The following RANGAP1 variants were observed in gnomAD, a reference collection of about 807,000 sequenced individuals.
RANGAP1 encodes Ran GTPase activating protein 1, also known as ran GTPase-activating protein 1.
RANGAP1 carries 38 observed loss-of-function variants against 63.5 expected under a neutral mutation model. That is an observed-to-expected ratio of 0.60 (90% CI 0.46 to 0.78). The LOEUF is 0.78. Among genes scored for constraint, RANGAP1 ranks in the 30% least tolerant of loss-of-function variants. The pLI, the probability that RANGAP1 is intolerant of heterozygous loss-of-function variation, is 0.00. For synonymous variants in RANGAP1, 329 were observed against 310.5 expected, an observed-to-expected ratio of 1.06 and a Z score of -0.63; for missense variants, 630 against 740.3, an observed-to-expected ratio of 0.85 and a Z score of 1.73.
chr22:41,263,527 G>A (rs1483864458), intron 5 of RANGAP1, among the ~76,000 whole-genome samples: 1 of 152,162 alleles, frequency 6.6e-6, no homozygotes, highest in Non-Finnish European at 1.5e-5. Context: ...TGGGACTACA[G>A]GCACCTGCCA....
Position 41,249,189 on chromosome 22 carries a change from G to T in RANGAP1, c.1694+141C>A, listed in dbSNP as rs1037206797. On this transcript the variant is annotated intron_variant, in intron 15 of 15. Coordinates refer to ENST00000356244, the MANE Select transcript of RANGAP1 (RefSeq NM_002883.4). ...AATGCAGATGCTGAGAGCCCAGGAG[G>T]CATGAGGGCCTCTCATGCACCTGAG... 4 of 1,200,474 alleles carry T rather than the reference G, an allele frequency of 3.3e-6. No homozygotes were observed. The African/African-American group carries it at 4.6e-5, about 14-fold the overall frequency. 74.4% of individuals were successfully genotyped at this position (1,200,474 alleles called of 1,614,324 possible). A position where few individuals can be genotyped will look rare whatever the true frequency, so the allele number is the denominator to read the frequency against.
At chr22:41,284,957 G>A (rs879625970) in intron 1 of RANGAP1, 2 of 152,116 alleles carry the variant, frequency 1.3e-5, no homozygotes, top group Admixed American at 6.6e-5. Context: ...ACCAGGGTTC[G>A]AGACAAGCCT....
chr22:41,300,390 G>A, the RANGAP1 span, among the ~76,000 whole-genome samples: 1 of 125,912 alleles, frequency 7.9e-6, no homozygotes, highest in Non-Finnish European at 1.6e-5. Flanking sequence ...AGTTGTCAAG[G>A]GTGTTTCATT....
At chr22:41,270,471 A>G (rs986780644) in intron 3 of RANGAP1, among the ~76,000 whole-genome samples, 5 of 152,074 alleles carry the variant, frequency 3.3e-5, no homozygotes, top group Non-Finnish European at 5.9e-5. Context: ...ATTTTGAGAC[A>G]GGGTCTCACT....
At chr22:41,265,522 T>C (rs2034416634) in intron 4 of RANGAP1, among the ~76,000 whole-genome samples, 1 of 152,110 alleles carries the variant, frequency 6.6e-6, no homozygotes, top group Non-Finnish European at 1.5e-5. Flanking sequence ...AAGCTGTTGG[T>C]TCCCTGTTCG....
chr22:41,251,205 C>T (rs2033423358), intron 12 of RANGAP1, 96 bp from the exon 13 acceptor site: 3 of 932,862 alleles, frequency 3.2e-6, no homozygotes, highest in Admixed American at 4.6e-5. Context: ...AGTACAAAGG[C>T]CCCTGGCGGG....
At chr22:41,249,629 CAGGACTCG>C in intron 14 of RANGAP1, 92 bp downstream of exon 14, 1 of 1,532,728 alleles carries the variant, frequency 6.5e-7, no homozygotes, top group Non-Finnish European at 9.0e-7. Context: ...CGAGCCGGCT[CAGGACTCG>C]AGGTGAGGGA....
intron 14 of RANGAP1, 103 bp downstream of exon 14, chr22:41,249,626 G>T: frequency 6.6e-7 from 1 of 1,526,374 alleles, no homozygotes; most frequent in Non-Finnish European, 9.0e-7. Flanking sequence ...GGGCGAGCCG[G>T]CTCAGGACTC....
At chr22:41,293,815 TA>T in the RANGAP1 span, among the ~76,000 whole-genome samples, 1 of 151,898 alleles carries the variant, frequency 6.6e-6, no homozygotes, top group African/African-American at 2.4e-5. Flanking sequence ...CTTGGTTTTT[TA>T]AAAAAATTCC....
intron 8 of RANGAP1, among the ~76,000 whole-genome samples, 158 bp from the exon 9 acceptor site, chr22:41,256,448 G>C (rs1013803859): frequency 3.9e-4 from 59 of 152,130 alleles, no homozygotes; most frequent in African/African-American, 1.4e-3. Context: ...CAAAAATAAT[G>C]CCCTGCAGCC....
upstream of RANGAP1, among the ~76,000 whole-genome samples, chr22:41,290,180 A>G (rs931309651): frequency 6.0e-5 from 9 of 150,598 alleles, no homozygotes; most frequent in African/African-American, 9.7e-5. Flanking sequence ...GAGAGAGAGA[A>G]AGAGAATAGA....
chr22:41,283,473 C>T (rs2145858444), intron 1 of RANGAP1, among the ~76,000 whole-genome samples: 1 of 152,258 alleles, frequency 6.6e-6, no homozygotes, highest in South Asian at 2.1e-4. Flanking sequence ...CGCGCCATTG[C>T]ATTCCAGCCT....
At chr22:41,283,233 G>A (rs1177176151) in intron 1 of RANGAP1, among the ~76,000 whole-genome samples, 1 of 151,362 alleles carries the variant, frequency 6.6e-6, no homozygotes, top group Admixed American at 6.6e-5. Flanking sequence ...TTGGGGGGCC[G>A]GGAGTGGTGG....
At chr22:41,278,767 A>G (rs1001167864) in intron 2 of RANGAP1, among the ~76,000 whole-genome samples, 1 of 152,232 alleles carries the variant, frequency 6.6e-6, no homozygotes, top group East Asian at 1.9e-4. Context: ...AAACGAGGTC[A>G]AAGTGGGCGG....
intron 12 of RANGAP1, among the ~76,000 whole-genome samples, chr22:41,251,399 G>A (rs745812966): frequency 6.6e-6 from 1 of 152,214 alleles, no homozygotes; most frequent in Non-Finnish European, 1.5e-5. Flanking sequence ...GCTGAGGTGG[G>A]AGGATGGCTT....
chr22:41,300,267 CA>C, the RANGAP1 span, among the ~76,000 whole-genome samples: 3 of 151,880 alleles, frequency 2.0e-5, no homozygotes, highest in Non-Finnish European at 4.4e-5. Context: ...GTGGTGGAAT[CA>C]CCAGACCATT....
In RANGAP1 at chr22:41,252,902, C is replaced by T. The variant is rs150069216; in HGVS notation, c.1350G>A (p.Gly450=). 459 of 1,572,910 alleles carry T rather than the reference C, an allele frequency of 2.9e-4. No individual in the cohort carries two copies. Among genetic ancestry groups the T allele is most frequent in the Non-Finnish European group, 3.7e-4 (433 of 1,161,326 alleles). ...GGGCTATCAGCACGGAGCTCTTGGG[C>T]CCTAGGCGCAGCAGCTTCTCTGGAG... ...FPSPEKLLRL[G]PKSSVLIAQQ... The change falls in exon 12 of 16, where the codon GGG becomes GGA. Residue 450 remains glycine, a synonymous_variant. Coordinates refer to ENST00000356244, the MANE Select transcript of RANGAP1 (RefSeq NM_002883.4).
chr22:41,258,113 A>G lies in RANGAP1; in HGVS notation c.616-7T>C, dbSNP rs1453141676. 1 of 1,590,500 alleles carries G rather than the reference A, an allele frequency of 6.3e-7. No homozygotes were observed. Among genetic ancestry groups the G allele is most frequent in the East Asian group, 2.3e-5 (1 of 43,988 alleles). ...CCTCCAGGGTCCCGATGACCTGTGA[A>G]GAGGAGGCAGAGAGTGGAGGGGGCC... On this transcript the variant is annotated splice_region_variant and splice_polypyrimidine_tract_variant and intron_variant, in intron 6 of 15. Coordinates refer to ENST00000356244, the MANE Select transcript of RANGAP1 (RefSeq NM_002883.4).
At chr22:41,283,217 G>A (rs976643634) in intron 1 of RANGAP1, among the ~76,000 whole-genome samples, 1 of 123,486 alleles carries the variant, frequency 8.1e-6, no homozygotes, top group Non-Finnish European at 1.9e-5. Context: ...AAAAAAAAGG[G>A]GGGGGTTGGG....
Sources: gnomAD v4.1 joint callset for allele counts (sites outside exome capture counted in the v4.1 genomes callset) on GRCh38, gnomAD v4.1.1 for gene constraint, MANE v1.5 for transcripts, NCBI Gene and HGNC (gene_info 2026-07-23, HGNC 2026-07-21) for gene names.